ATF7IP2: variants seen among roughly 807,000 people sequenced by gnomAD.
ATF7IP2 encodes the protein activating transcription factor 7-interacting protein 2.
ATF7IP2 carries 42 observed loss-of-function variants against 64.2 expected under a neutral mutation model. That is an observed-to-expected ratio of 0.65 (90% confidence interval 0.51 to 0.85). ATF7IP2 has a LOEUF of 0.85. ATF7IP2 is among the 40% of genes least tolerant of loss of function. ATF7IP2 has a pLI of 0.00. For missense variants in ATF7IP2, 933 were observed against 784.2 expected, an observed-to-expected ratio of 1.19 and a Z score of -2.27; for synonymous variants, 308 against 272.8, an observed-to-expected ratio of 1.13 and a Z score of -1.27.
chr16:10,400,001 G>A (rs1435572166), intron 1 of ATF7IP2, among the ~76,000 whole-genome samples: 1 of 152,002 alleles, frequency 6.6e-6, no homozygotes, highest in Non-Finnish European at 1.5e-5. Context: ...ATTGTTATTG[G>A]TGTATAGAAA....
intron 6 of ATF7IP2, among the ~76,000 whole-genome samples, chr16:10,436,163 C>T (rs1236954455): frequency 6.6e-6 from 1 of 152,170 alleles, no homozygotes; most frequent in Non-Finnish European, 1.5e-5. Flanking sequence ...GAGTTCAAGA[C>T]CAGCCTGGCC....
intron 9 of ATF7IP2, among the ~76,000 whole-genome samples, chr16:10,471,505 G>T (rs540203997): frequency 4.6e-5 from 7 of 152,084 alleles, no homozygotes; most frequent in Non-Finnish European, 1.0e-4. Flanking sequence ...TTCAGCCTGG[G>T]GGACAAGAGC....
At chr16:10,412,684 T>G (rs1229723446) in intron 1 of ATF7IP2, among the ~76,000 whole-genome samples, 1 of 152,202 alleles carries the variant, frequency 6.6e-6, no homozygotes. Flanking sequence ...AAATATCTGT[T>G]GAGTCCATTT....
At chr16:10,467,573 ATTT>A (rs112151440) in intron 9 of ATF7IP2, among the ~76,000 whole-genome samples, 1 of 144,766 alleles carries the variant, frequency 6.9e-6, no homozygotes, top group Non-Finnish European at 1.5e-5. Flanking sequence ...AGAAAAATCA[ATTT>A]TTTTTTTTTT....
chr16:10,446,141 A>G (rs1366714550), intron 8 of ATF7IP2: 1 of 152,196 alleles, frequency 6.6e-6, no homozygotes, highest in Non-Finnish European at 1.5e-5. Flanking sequence ...AGCAAGAGCC[A>G]CCTATAAATA....
intron 1 of ATF7IP2, among the ~76,000 whole-genome samples, chr16:10,402,447 T>G (rs2047553609): frequency 6.6e-6 from 1 of 152,168 alleles, no homozygotes; most frequent in Non-Finnish European, 1.5e-5. Context: ...ATACTTGATA[T>G]GATTTTGATT....
chr16:10,460,296 T>C (rs1254794392), intron 9 of ATF7IP2, among the ~76,000 whole-genome samples: 1 of 152,110 alleles, frequency 6.6e-6, no homozygotes, highest in African/African-American at 2.4e-5. Context: ...AGATATATGG[T>C]GTGGACAAAG....
intron 9 of ATF7IP2, among the ~76,000 whole-genome samples, chr16:10,457,789 C>A (rs1027656986): frequency 6.6e-6 from 1 of 152,144 alleles, no homozygotes; most frequent in East Asian, 1.9e-4. Flanking sequence ...TCACTGCAGC[C>A]TCGACCTCCT....
At position 10,405,599 on chromosome 16, in the gene ATF7IP2, C is replaced by T. The variant is rs2047622311; in HGVS notation, c.-241-8975C>T. Among the ~76,000 whole-genome samples the T allele has an allele frequency of 2.6e-5, 4 of 152,260 alleles. No individual in the cohort carries two copies. In the South Asian group the frequency reaches 6.2e-4, roughly 24 times the overall value. On this transcript the variant is annotated intron_variant, in intron 1 of 13. Coordinates refer to ENST00000562102, the MANE Select transcript of ATF7IP2 (RefSeq NM_001393719.1). Reference sequence around the variant, plus strand: ...TATCACATCCTGCTGGACAAAGGCCCAAGGAACATTCTTATCACATCCTGC... The same window carrying T: ...TATCACATCCTGCTGGACAAAGGCCTAAGGAACATTCTTATCACATCCTGC...
At chr16:10,464,507 T>A (rs961968592) in intron 9 of ATF7IP2, among the ~76,000 whole-genome samples, 30 of 152,096 alleles carry the variant, frequency 2.0e-4, no homozygotes, top group African/African-American at 7.0e-4. Flanking sequence ...CTGCAGAAGC[T>A]CATAGAAGAG....
At chr16:10,412,022 T>TTTTTTTTTTTTTTTTTTTTTTTTTTTTTG (rs2047776467) in intron 1 of ATF7IP2, among the ~76,000 whole-genome samples, 1 of 132,558 alleles carries the variant, frequency 7.5e-6, no homozygotes, top group African/African-American at 3.0e-5. Flanking sequence ...TTTTTTTTTT[T>TTTTTTTTTTTTTTTTTTTTTTTTTTTTTG]TTTTTTTTTT....
intron 12 of ATF7IP2, among the ~76,000 whole-genome samples, chr16:10,479,159 C>G (rs1276315076): frequency 6.7e-6 from 1 of 150,032 alleles, no homozygotes; most frequent in Non-Finnish European, 1.5e-5. Flanking sequence ...GGGTATATAC[C>G]CAAAGGACTA....
In ATF7IP2 at chr16:10,471,354, C is replaced by A. The variant is rs185753643; in HGVS notation, c.1353-756C>A. Among the ~76,000 whole-genome samples the A allele has an allele frequency of 4.0e-3, 615 of 152,144 alleles. 1 individual carries two copies. The highest frequency in any genetic ancestry group is 6.8e-3 in the Middle Eastern group (2 of 294). ...ACCAGCCTGACCAACATGGTGAAAC[C>A]CTGTCTCTACTAAAAATAGAAAAAT... On this transcript the variant is annotated intron_variant, in intron 9 of 13. Coordinates refer to ENST00000562102, the MANE Select transcript of ATF7IP2 (RefSeq NM_001393719.1).
intron 1 of ATF7IP2, among the ~76,000 whole-genome samples, chr16:10,388,296 A>G (rs2047245768): frequency 6.6e-6 from 1 of 152,230 alleles, no homozygotes; most frequent in Non-Finnish European, 1.5e-5. Flanking sequence ...GGAGTCAGCC[A>G]GTGTCTAGAG....
rs1567450379 is a variant in ATF7IP2 at position 10,430,635 on chromosome 16, T to A, written c.15T>A (p.Asp5Glu). The change falls in exon 5 of 14, where the codon GAT (aspartate) becomes GAA (glutamate). Residue 5 changes from aspartate (D) to glutamate (E), a missense_variant. Transcript: ENST00000562102. ...GGATATGAAAGATGGCAAGTCCAGA[T>A]AGAAGTAAACGGAAGATATTAAAAG... MASPDRSKRKILKAK... is the reference protein window; with the variant it reads MASPERSKRKILKAK... 1 of 1,611,298 alleles carries A rather than the reference T, an allele frequency of 6.2e-7. No individual in the cohort carries two copies. The highest frequency in any genetic ancestry group is 1.3e-5 in the African/African-American group (1 of 74,894).
intron 6 of ATF7IP2, among the ~76,000 whole-genome samples, chr16:10,437,340 C>T (rs192870527): frequency 7.6e-4 from 116 of 152,232 alleles, no homozygotes; most frequent in Middle Eastern, 3.4e-3. Context: ...GTTTTAGCAC[C>T]GTGCTCTAAC....
intron 1 of ATF7IP2, among the ~76,000 whole-genome samples, chr16:10,401,253 C>T (rs1014421390): frequency 6.7e-6 from 1 of 149,660 alleles, no homozygotes; most frequent in African/African-American, 2.5e-5. Context: ...CTGCAACCTC[C>T]ACCTCCCAGG....
intron 2 of ATF7IP2, 32 bp from the exon 3 acceptor site, chr16:10,419,549 C>G (rs2047950188): frequency 6.5e-6 from 1 of 153,138 alleles, no homozygotes; most frequent in Non-Finnish European, 1.5e-5. Flanking sequence ...CATTAAATTA[C>G]TCATTGTGAT....
intron 1 of ATF7IP2, among the ~76,000 whole-genome samples, chr16:10,392,028 A>T (rs544966961): frequency 6.6e-6 from 1 of 151,386 alleles, no homozygotes; most frequent in East Asian, 1.9e-4. Flanking sequence ...ACACCAAAAG[A>T]TATAAAAAGT....
Sources: gnomAD v4.1 joint callset for allele counts (sites outside exome capture counted in the v4.1 genomes callset) on GRCh38, gnomAD v4.1.1 for gene constraint, MANE v1.5 for transcripts, NCBI Gene and HGNC (gene_info 2026-07-23, HGNC 2026-07-21) for gene names.